Variants in SLC39A11 observed in about 807,000 individuals in gnomAD.
SLC39A11 encodes the protein solute carrier family 39 member 11.
SLC39A11 carries 33 observed loss-of-function variants against 36.1 expected under a neutral mutation model. The observed-to-expected ratio is 0.91, with a 90% CI of 0.69 to 1.22. The LOEUF is 1.22. Among genes scored for constraint, SLC39A11 ranks in the 50% most tolerant of loss-of-function variants. SLC39A11 has a pLI of 0.00. For missense variants in SLC39A11, 432 were observed against 430.3 expected, an observed-to-expected ratio of 1.00 and a Z score of -0.03; for synonymous variants, 166 against 170.3, an observed-to-expected ratio of 0.97 and a Z score of 0.20.
intron 4 of SLC39A11, among the ~76,000 whole-genome samples, chr17:72,950,622 T>C (rs1174533279): frequency 6.6e-6 from 1 of 152,204 alleles, no homozygotes; most frequent in Non-Finnish European, 1.5e-5. Context: ...CCTTCCTTTG[T>C]CTTCTTTCTT....
chr17:72,991,550 G>A (rs2089178872), intron 4 of SLC39A11, among the ~76,000 whole-genome samples: 1 of 151,950 alleles, frequency 6.6e-6, no homozygotes, highest in East Asian at 1.9e-4. Flanking sequence ...TAGAGATGGG[G>A]GTTTCACCAT....
chr17:72,779,373 C>T (rs1324921066), intron 6 of SLC39A11, among the ~76,000 whole-genome samples: 1 of 151,782 alleles, frequency 6.6e-6, no homozygotes, highest in Non-Finnish European at 1.5e-5. Flanking sequence ...TGCAGTGAGC[C>T]GAGATTGGAC....
At chr17:73,053,984 A>C (rs2059587267) in intron 3 of SLC39A11, among the ~76,000 whole-genome samples, 1 of 152,198 alleles carries the variant, frequency 6.6e-6, no homozygotes, top group Non-Finnish European at 1.5e-5. Flanking sequence ...TTGAGATTTC[A>C]TTCTGATGTT....
intron 5 of SLC39A11, among the ~76,000 whole-genome samples, chr17:72,877,597 G>C (rs1016020168): frequency 6.6e-6 from 1 of 152,122 alleles, no homozygotes; most frequent in Non-Finnish European, 1.5e-5. Flanking sequence ...AAAATCTGAA[G>C]CTAGGAGAGA....
rs115473629 is a variant in SLC39A11 at position 72,705,937 on chromosome 17, A to G, written c.671+30713T>C. On this transcript the variant is annotated intron_variant, in intron 7 of 9. Coordinates refer to ENST00000255559, the MANE Select transcript of SLC39A11 (RefSeq NM_139177.4). The stretch of plus-strand genomic sequence containing the variant: ...CAAGGAAGCACATTTCTTCCTCCCA[A>G]TGGTTCTATTCTCTGTACATTTTTT... Among the ~76,000 whole-genome samples, 415 of 152,238 alleles carry G rather than the reference A, an allele frequency of 2.7e-3. 4 individuals are homozygous for G. Among genetic ancestry groups the G allele is most frequent in the African/African-American group, 9.3e-3 (385 of 41,560 alleles).
At chr17:72,970,684 T>C (rs1320569960) in intron 4 of SLC39A11, among the ~76,000 whole-genome samples, 1 of 152,182 alleles carries the variant, frequency 6.6e-6, no homozygotes, top group Non-Finnish European at 1.5e-5. Flanking sequence ...ATTTAAAAAG[T>C]GGCTGGAGGA....
rs2069605306 is a variant in SLC39A11 at position 72,647,431 on chromosome 17, G to A, written c.*153C>T. 1 of 521,624 alleles carries A rather than the reference G, an allele frequency of 1.9e-6. No homozygotes were observed. The allele number at this position is 521,624 out of a possible 1,614,324, so 32.3% of individuals were successfully genotyped here. On this transcript the variant is annotated 3_prime_UTR_variant, in exon 10 of 10. Coordinates refer to ENST00000255559, the MANE Select transcript of SLC39A11 (RefSeq NM_139177.4). ...TCTCCCTCAAAGCAAAGTAAAAATGGTTCTATTATAATCAGAGTCAATCAG... is the reference window on the plus strand; with the variant it reads ...TCTCCCTCAAAGCAAAGTAAAAATGATTCTATTATAATCAGAGTCAATCAG...
chr17:72,800,275 C>T (rs903717845), intron 6 of SLC39A11, among the ~76,000 whole-genome samples: 2 of 150,006 alleles, frequency 1.3e-5, no homozygotes, highest in South Asian at 4.2e-4. Flanking sequence ...ACATAAAATG[C>T]TCCACAAGGA....
intron 6 of SLC39A11, among the ~76,000 whole-genome samples, chr17:72,817,715 C>T (rs1322778496): frequency 2.6e-5 from 4 of 152,174 alleles, no homozygotes; most frequent in Non-Finnish European, 5.9e-5. Context: ...CCTTTACCTT[C>T]CACTCCTGGG....
intron 4 of SLC39A11, among the ~76,000 whole-genome samples, chr17:73,028,650 G>A (rs2058639351): frequency 6.6e-6 from 1 of 152,068 alleles, no homozygotes; most frequent in Admixed American, 6.6e-5. Flanking sequence ...GTGAGGTTCT[G>A]GGCATTTGTG....
chr17:73,051,057 T>C (rs2059480820), intron 3 of SLC39A11, among the ~76,000 whole-genome samples: 1 of 152,164 alleles, frequency 6.6e-6, no homozygotes, highest in African/African-American at 2.4e-5. Flanking sequence ...AAATTCATTC[T>C]CTCACGGTTC....
chr17:72,651,425 A>G (rs560328489), intron 7 of SLC39A11, among the ~76,000 whole-genome samples: 29 of 152,316 alleles, frequency 1.9e-4, no homozygotes, highest in African/African-American at 6.7e-4. Context: ...AGGAGCCTGC[A>G]GCCCAGGGTG....
chr17:72,942,425 A>G (rs2085170646), intron 5 of SLC39A11, among the ~76,000 whole-genome samples: 1 of 152,224 alleles, frequency 6.6e-6, no homozygotes, highest in Admixed American at 6.5e-5. Flanking sequence ...TTTCATTTTT[A>G]GAGATCTTAC....
chr17:72,703,800 A>G (rs1055553257), intron 7 of SLC39A11, among the ~76,000 whole-genome samples: 5 of 152,202 alleles, frequency 3.3e-5, no homozygotes, highest in African/African-American at 4.8e-5. Flanking sequence ...TCTCTGTTTG[A>G]TGATCCCTAA....
chr17:72,859,044 T>C (rs2079812598), intron 5 of SLC39A11, among the ~76,000 whole-genome samples: 1 of 152,118 alleles, frequency 6.6e-6, no homozygotes, highest in Admixed American at 6.5e-5. Context: ...TGAATAGGAG[T>C]GGTGACAGAG....
intron 6 of SLC39A11, among the ~76,000 whole-genome samples, chr17:72,780,521 G>GGC (rs2076275473): frequency 1.7e-5 from 1 of 60,520 alleles, no homozygotes; most frequent in Non-Finnish European, 4.2e-5. Context: ...CCCTGAAGAT[G>GGC]GGGGGCGGGT....
Position 73,021,561 on chromosome 17 carries a change from T to C in SLC39A11, c.306+9995A>G, listed in dbSNP as rs146096602. ...TTCACCATGTTGGCCAGGCTGGTCA[T>C]GAATTCCTGCCCAGCTCTGCCTCCC... On this transcript the variant is annotated intron_variant, in intron 4 of 9. Coordinates refer to ENST00000255559, the MANE Select transcript of SLC39A11 (RefSeq NM_139177.4). 2.9e-3 allele frequency among the ~76,000 whole-genome samples: 447 copies of C among 152,186 alleles called. 1 individual carries two copies. The highest frequency in any genetic ancestry group is 0.018 in the East Asian group (92 of 5,148).
At chr17:73,022,169 T>C (rs1009501639) in intron 4 of SLC39A11, among the ~76,000 whole-genome samples, 1 of 152,224 alleles carries the variant, frequency 6.6e-6, no homozygotes, top group Non-Finnish European at 1.5e-5. Context: ...CATAGAACAG[T>C]ATTCACCAGC....
chr17:72,771,315 C>T (rs2144704212), intron 6 of SLC39A11, among the ~76,000 whole-genome samples: 1 of 150,572 alleles, frequency 6.6e-6, no homozygotes. Context: ...CGTGCCGCTG[C>T]ACTCCAGCCT....
Sources: allele counts gnomAD v4.1 joint callset (sites outside exome capture counted in the v4.1 genomes callset), GRCh38; gene constraint gnomAD v4.1.1; transcripts MANE v1.5; gene names NCBI Gene and HGNC (gene_info 2026-07-23, HGNC 2026-07-21).